FOXM1: variants seen among roughly 807,000 people sequenced by gnomAD.
The protein encoded by FOXM1 is forkhead box M1, also known as forkhead box protein M1.
A neutral mutation model predicts 63.6 loss-of-function variants in FOXM1; 25 were observed. That is an observed-to-expected ratio of 0.39 (90% CI 0.29 to 0.55). The LOEUF is 0.55. Ranked by LOEUF, FOXM1 falls within the 20% of genes least tolerant of loss-of-function variation. The pLI is 0.60. For missense variants in FOXM1, 879 were observed against 958.7 expected (o/e 0.92, Z 1.10); for synonymous variants, 387 against 376.9 (o/e 1.03, Z -0.31).
At chr12:2,869,098 C>A (rs1196529620) in intron 3 of FOXM1, among the ~76,000 whole-genome samples, 1 of 152,114 alleles carries the variant, frequency 6.6e-6, no homozygotes, top group Non-Finnish European at 1.5e-5. Context: ...GTTTTTCAGA[C>A]TTTTGGGTCT....
rs2098119714 is a variant in FOXM1, at chr12:2,864,567, T to G, written c.1091-72A>C. ...CCCTTCTCAGCCCCAGGAGCTTTGC[T>G]CTCCTTCTCTGGGCTCAGATCCCTT... On this transcript the variant is annotated intron_variant, in intron 7 of 8. Coordinates refer to ENST00000359843, the MANE Select transcript of FOXM1 (RefSeq NM_021953.4). This position sits in a 1 kb window ranked among gnomAD's most constrained non-coding sequence, Gnocchi z 5.1. 1 of 1,582,674 alleles carries G rather than the reference T, an allele frequency of 6.3e-7. No homozygotes were observed.
intron 2 of FOXM1, among the ~76,000 whole-genome samples, chr12:2,873,636 T>A (rs986421507): frequency 6.6e-6 from 1 of 151,588 alleles, no homozygotes; most frequent in Non-Finnish European, 1.5e-5. Flanking sequence ...TGGAGTGCAG[T>A]GGCATAATCT....
chr12:2,869,802 G>A (rs2098129803), intron 3 of FOXM1, among the ~76,000 whole-genome samples: 1 of 151,152 alleles, frequency 6.6e-6, no homozygotes, highest in African/African-American at 2.4e-5. Flanking sequence ...GCCCAGGCTG[G>A]CCTAGAACTT....
Position 2,874,598 on chromosome 12 carries a change from C to T in FOXM1, c.-47-73G>A. Reference sequence around the variant, plus strand: ...GAAGAGGTCCTTTTAGAGAAAGGTGCTCCTCTTTATATGACCAGGAACATG... The same window carrying T: ...GAAGAGGTCCTTTTAGAGAAAGGTGTTCCTCTTTATATGACCAGGAACATG... On this transcript the variant is annotated intron_variant, in intron 1 of 8. Transcript: ENST00000359843. This position sits in a 1 kb window ranked among gnomAD's most constrained non-coding sequence, Gnocchi z 4.3. 9.4e-7 allele frequency: 1 copy of T among 1,059,794 alleles called. No individual in the cohort carries two copies. The highest frequency in any genetic ancestry group is 2.3e-5 in the Admixed American group (1 of 43,158). 65.6% of individuals were successfully genotyped at this position (1,059,794 alleles called of 1,614,324 possible). A position where few individuals can be genotyped will look rare whatever the true frequency, so the allele number is the denominator to read the frequency against.
Position 2,876,070 on chromosome 12 carries a change from T to C in FOXM1, c.-48+850A>G, listed in dbSNP as rs2098142925. 2.0e-5 allele frequency among the ~76,000 whole-genome samples: 3 copies of C among 152,174 alleles called. No individual in the cohort carries two copies. In the South Asian group the frequency reaches 6.2e-4, roughly 32 times the overall value. ...GCCACTGCGCCCGGCCTTTTGTTGA[T>C]TTTAATAGATACATGGAATATTCTA... On this transcript the variant is annotated intron_variant, in intron 1 of 8. Coordinates refer to ENST00000359843, the MANE Select transcript of FOXM1 (RefSeq NM_021953.4).
In FOXM1 at chr12:2,874,590, G is replaced by A. The variant is rs1228227841; in HGVS notation, c.-47-65C>T. On this transcript the variant is annotated intron_variant, in intron 1 of 8. Transcript: ENST00000359843. The surrounding 1 kb of genome is among the most constrained non-coding windows in gnomAD (Gnocchi z 4.3). The stretch of plus-strand genomic sequence containing the variant: ...TAGGCTGAGAAGAGGTCCTTTTAGA[G>A]AAAGGTGCTCCTCTTTATATGACCA... 20 of 1,125,874 alleles carry A rather than the reference G, an allele frequency of 1.8e-5. No homozygotes were observed. Among genetic ancestry groups the A allele is most frequent in the Non-Finnish European group, 2.4e-5 (19 of 792,216 alleles). 69.7% of individuals were successfully genotyped at this position (1,125,874 alleles called of 1,614,324 possible).
rs1056182643 is a variant in FOXM1 at position 2,870,953 on chromosome 12, G to A, written c.654+1143C>T. Among the ~76,000 whole-genome samples, 13 of 92,266 alleles carry A rather than the reference G, an allele frequency of 1.4e-4. No individual in the cohort carries two copies. The Admixed American group carries it at 1.8e-3, about 13-fold the overall frequency. 60.5% of individuals were successfully genotyped at this position (92,266 alleles called of 152,430 possible). A position where few individuals can be genotyped will look rare whatever the true frequency, so the allele number is the denominator to read the frequency against. On this transcript the variant is annotated intron_variant, in intron 3 of 8. Transcript: ENST00000359843. ...AGCCTAGGAGACAGAGAAAGACTAC[G>A]TCTCAAAAAAAAAAAAAAAAAAAAA...
In FOXM1 at chr12:2,876,925, G is replaced by A. The variant is rs1565482912; in HGVS notation, c.-53C>T. ...CATTGCTGCATCCCGCTCACCTCCAGACTGCAGTCGCCGCCGCCGTTAGGC... is the reference window on the plus strand; with the variant it reads ...CATTGCTGCATCCCGCTCACCTCCAAACTGCAGTCGCCGCCGCCGTTAGGC... On this transcript the variant is annotated 5_prime_UTR_variant, in exon 1 of 9. Transcript: ENST00000359843. 6.6e-6 allele frequency: 1 copy of A among 152,288 alleles called. No individual in the cohort carries two copies. The highest frequency in any genetic ancestry group is 1.5e-5 in the Non-Finnish European group (1 of 68,148). The allele number at this position is 152,288 out of a possible 1,614,324, so 9.4% of individuals were successfully genotyped here. A position where few individuals can be genotyped will look rare whatever the true frequency, so the allele number is the denominator to read the frequency against.
At chr12:2,867,640 T>A (rs1323302128) in intron 4 of FOXM1, among the ~76,000 whole-genome samples, 8 of 141,686 alleles carry the variant, frequency 5.6e-5, no homozygotes, top group Admixed American at 4.3e-4. Context: ...CCAGCCTGGG[T>A]GACAGAGCGA....
At chr12:2,873,464 G>C (rs1397024795) in intron 2 of FOXM1, among the ~76,000 whole-genome samples, 1 of 151,286 alleles carries the variant, frequency 6.6e-6, no homozygotes, top group African/African-American at 2.4e-5. Flanking sequence ...TATAATCCCA[G>C]CACCTTGGGA....
chr12:2,866,725 C>T (rs114917364), intron 4 of FOXM1, among the ~76,000 whole-genome samples: 1,543 of 152,264 alleles, frequency 0.01, 28 homozygotes, highest in African/African-American at 0.035. Context: ...ATCTATTCTA[C>T]GGGAATAAAG....
At chr12:2,861,477 C>A in intron 8 of FOXM1, 1 of 509,692 alleles carries the variant, frequency 2.0e-6, no homozygotes, top group Non-Finnish European at 3.4e-6. Context: ...AAGATATAAC[C>A]TATACATATT....
chr12:2,863,966 A>G (rs1039048076), intron 8 of FOXM1: 16 of 176,334 alleles, frequency 9.1e-5, no homozygotes, highest in African/African-American at 3.8e-4. Flanking sequence ...TGGCCTCCCA[A>G]AGTGCTGGGA....
intron 4 of FOXM1, among the ~76,000 whole-genome samples, chr12:2,867,523 G>C (rs894298166): frequency 6.6e-6 from 1 of 151,894 alleles, no homozygotes; most frequent in Non-Finnish European, 1.5e-5. Context: ...TTAGCCAGGC[G>C]TAGTGGCGGG....
rs1263038957 is a variant in FOXM1, at chr12:2,864,295, C to T, written c.1266+25G>A. The T allele has an allele frequency of 1.3e-6, 2 of 1,591,924 alleles. No individual in the cohort carries two copies. Among genetic ancestry groups the T allele is most frequent in the Non-Finnish European group, 1.7e-6 (2 of 1,165,934 alleles). ...ACATTCTTAATTGGCCAGAATCTCT[C>T]TTCAGAGGAAAATAGGACACCCACC... is the stretch of plus-strand genomic sequence containing the variant. On this transcript the variant is annotated intron_variant, in intron 8 of 8. Coordinates refer to ENST00000359843, the MANE Select transcript of FOXM1 (RefSeq NM_021953.4). The surrounding 1 kb of genome is among the most constrained non-coding windows in gnomAD (Gnocchi z 5.1).
At position 2,859,180 on chromosome 12, in the gene FOXM1, G is replaced by T. The variant is rs144159370; in HGVS notation, c.1750C>A (p.Pro584Thr). The T allele has an allele frequency of 1.0e-4, 165 of 1,609,924 alleles. No homozygotes were observed. The African/African-American group carries it at 2.0e-3, about 20-fold the overall frequency. Residue 584 changes from proline to threonine, a missense_variant, in exon 9 of 9, where the codon CCT (proline) becomes ACT (threonine). Transcript: ENST00000359843. ...ELPFPADSSD[P>T]ASQLSYSQEV... ...TGGGAGTAGCTGAGCTGGGAGGCAG[G>T]GTCAGAGGAGTCTGCTGGGAACGGG...
At position 2,864,725 on chromosome 12, in the gene FOXM1, G is replaced by A. The variant is rs146299415; in HGVS notation, c.1048C>T (p.Arg350Cys). 1,780 of 1,614,150 alleles carry A rather than the reference G, an allele frequency of 1.1e-3. 11 individuals are homozygous for A. The African/African-American group carries it at 0.018, about 17-fold the overall frequency. The change falls in exon 7 of 9, where the codon CGC becomes TGC. Residue 350 changes from arginine (R) to cysteine (C), a missense_variant. Around this residue, in one of 4 missense-constraint regions of FOXM1, gnomAD observed 76 missense variants for 94.5 expected, o/e 0.80. Coordinates refer to ENST00000359843, the MANE Select transcript of FOXM1 (RefSeq NM_021953.4). This position sits in a 1 kb window ranked among gnomAD's most constrained non-coding sequence, Gnocchi z 5.1. ...TCGGTTTTGATGGTCATGTTCCGGC[G>A]GAGCTCTGGATTCGGTCGTTTCTGC... ...SQQKRPNPEL[R>C]RNMTIKTELP...
chr12:2,860,920 G>C (rs1417104282), intron 8 of FOXM1, among the ~76,000 whole-genome samples: 1 of 150,768 alleles, frequency 6.6e-6, no homozygotes, highest in African/African-American at 2.5e-5. Context: ...TGTAATCCCA[G>C]CACTTTGGGA....
chr12:2,860,729 G>A (rs1206295044), intron 8 of FOXM1, among the ~76,000 whole-genome samples: 3 of 151,740 alleles, frequency 2.0e-5, no homozygotes, highest in African/African-American at 4.8e-5. Context: ...AAAATTAGCC[G>A]GGCGTGGTGG....
Sources: gnomAD v4.1 joint callset for allele counts (sites outside exome capture counted in the v4.1 genomes callset) on GRCh38, gnomAD v4.1.1 for gene constraint, gnomAD v4.1.1 regional missense constraint, Gnocchi (gnomAD v3.1) non-coding constraint, MANE v1.5 for transcripts, NCBI Gene and HGNC (gene_info 2026-07-23, HGNC 2026-07-21) for gene names.